Variants in CACNA1I observed in about 807,000 individuals in gnomAD.
CACNA1I encodes the protein voltage-dependent T-type calcium channel subunit alpha-1I.
In CACNA1I, 74 loss-of-function variants were observed where a neutral mutation model predicts 201.6. That is an observed-to-expected ratio of 0.37 (90% CI 0.30 to 0.45). The LOEUF is 0.45. Ranked by LOEUF, CACNA1I falls within the 20% of genes least tolerant of loss-of-function variation. The pLI is 1.00. For missense variants in CACNA1I, 2,346 were observed against 3,138.1 expected (o/e 0.75, Z 6.03); for synonymous variants, 1,431 against 1,345.2 (o/e 1.06, Z -1.40).
intron 3 of CACNA1I, among the ~76,000 whole-genome samples, chr22:39,615,791 G>A (rs1933516137): frequency 6.6e-6 from 1 of 152,164 alleles, no homozygotes; most frequent in South Asian, 2.1e-4. Context: ...CAGAATACCC[G>A]CAAATGGTTC....
intron 29 of CACNA1I, among the ~76,000 whole-genome samples, chr22:39,675,686 C>G (rs1935496096): frequency 6.6e-6 from 1 of 152,212 alleles, no homozygotes; most frequent in Admixed American, 6.5e-5. Flanking sequence ...CCACCAGTCT[C>G]TGCCCCAAGA....
chr22:39,670,367 TC>T, intron 25 of CACNA1I, 137 bp downstream of exon 25: 1 of 860,548 alleles, frequency 1.2e-6, no homozygotes, highest in Non-Finnish European at 1.8e-6. Context: ...CAGCCACTTC[TC>T]CCAGCATCTT....
At chr22:39,590,020 G>C (rs1447608317) in intron 1 of CACNA1I, among the ~76,000 whole-genome samples, 2 of 151,996 alleles carry the variant, frequency 1.3e-5, no homozygotes, top group Non-Finnish European at 2.9e-5. Flanking sequence ...AGTGTCGCCT[G>C]GGCCTGCAGA....
intron 23 of CACNA1I, among the ~76,000 whole-genome samples, chr22:39,667,508 A>C (rs1482260305): frequency 2.6e-5 from 4 of 152,182 alleles, no homozygotes; most frequent in Non-Finnish European, 5.9e-5. Flanking sequence ...GAACCTACTA[A>C]CTACTGGTGC....
At position 39,666,419 on chromosome 22, in the gene CACNA1I, C is replaced by T. The variant is rs1023929962; in HGVS notation, c.4104+413C>T. 1.3e-5 allele frequency among the ~76,000 whole-genome samples: 2 copies of T among 152,188 alleles called. No individual in the cohort carries two copies. The highest frequency in any genetic ancestry group is 2.4e-5 in the African/African-American group (1 of 41,446). ...ATGTTATAGCCTGCCAGGCAGGCTG[C>T]GGTCGAGATGAAAGGATATCAAGCC... On this transcript the variant is annotated intron_variant, in intron 23 of 36. Coordinates refer to ENST00000402142, the MANE Select transcript of CACNA1I (RefSeq NM_021096.4). The surrounding 1 kb of genome is among the most constrained non-coding windows in gnomAD (Gnocchi z 4.1).
chr22:39,589,326 G>A lies in CACNA1I; in HGVS notation c.237-8825G>A, dbSNP rs60436288. Among the ~76,000 whole-genome samples, 1,002 of 152,342 alleles carry A rather than the reference G, an allele frequency of 6.6e-3. 17 individuals carry two copies. Among genetic ancestry groups the A allele is most frequent in the African/African-American group, 0.023 (946 of 41,586 alleles). ...ATTTCTCCTGGGTATGCACCCAGGAGTGGCCCCGCTGGGTCCTAGCGTGGG... is the reference window on the plus strand; with the variant it reads ...ATTTCTCCTGGGTATGCACCCAGGAATGGCCCCGCTGGGTCCTAGCGTGGG... On this transcript the variant is annotated intron_variant, in intron 1 of 36. Transcript: ENST00000402142.
At chr22:39,573,231 G>C (rs1932242981) in intron 1 of CACNA1I, among the ~76,000 whole-genome samples, 1 of 152,156 alleles carries the variant, frequency 6.6e-6, no homozygotes, top group African/African-American at 2.4e-5. Context: ...CCTTTCCTGG[G>C]TGAGATGACA....
At chr22:39,592,170 C>T (rs132582) in intron 1 of CACNA1I, among the ~76,000 whole-genome samples, 71,173 of 152,018 alleles carry the variant, frequency 0.47, 17,707 homozygotes, top group Non-Finnish European at 0.55. Flanking sequence ...GTGCTTGGGA[C>T]GGCTTTGCCT....
rs1934548512 is a variant in CACNA1I, at chr22:39,648,261, GAGGCCCCAGGTGGCCCGTGGGC to G, written c.1567+342_1567+363del. Among the ~76,000 whole-genome samples, 1 of 152,124 alleles carries G rather than the reference GAGGCCCCAGGTGGCCCGTGGGC, an allele frequency of 6.6e-6. No individual in the cohort carries two copies. Among genetic ancestry groups the G allele is most frequent in the African/African-American group, 2.4e-5 (1 of 41,424 alleles). On this transcript the variant is annotated intron_variant, in intron 9 of 36. Coordinates refer to ENST00000402142, the MANE Select transcript of CACNA1I (RefSeq NM_021096.4). The surrounding 1 kb of genome is among the most constrained non-coding windows in gnomAD (Gnocchi z 5.4). ...CAGCCATCCAGGCGTGGGCTCGGAGGAGGCCCCAGGTGGCCCGTGGGCAGGCCCGGCATGCGGACACAGGAGC... is the reference window on the plus strand; with the variant it reads ...CAGCCATCCAGGCGTGGGCTCGGAGGAGGCCCGGCATGCGGACACAGGAGC...
Position 39,682,417 on chromosome 22 carries a change from G to A in CACNA1I, c.5665-79G>A, listed in dbSNP as rs6001648. On this transcript the variant is annotated intron_variant, in intron 34 of 36. Coordinates refer to ENST00000402142, the MANE Select transcript of CACNA1I (RefSeq NM_021096.4). ...GGGTAGCCTAGTTAAGCAAGGGGCC[G>A]TGGAGCAGGTCATGAGGTACCCTTC... 513 of 1,232,778 alleles carry A rather than the reference G, an allele frequency of 4.2e-4. 2 individuals carry two copies. The African/African-American group carries it at 6.8e-3, about 16-fold the overall frequency. 76.4% of individuals were successfully genotyped at this position (1,232,778 alleles called of 1,614,324 possible).
intron 1 of CACNA1I, among the ~76,000 whole-genome samples, chr22:39,583,031 A>ACCAT (rs59155285): frequency 0.05 from 5,816 of 116,448 alleles, 256 homozygotes; most frequent in East Asian, 0.19. Flanking sequence ...CAAGCACCCA[A>ACCAT]CCATCCATCC....
chr22:39,625,495 T>C (rs2146401091), intron 4 of CACNA1I, among the ~76,000 whole-genome samples: 1 of 152,336 alleles, frequency 6.6e-6, no homozygotes, highest in East Asian at 1.9e-4. Flanking sequence ...TCGGTTTCCC[T>C]ACTCGTACAA....
chr22:39,646,608 A>T lies in CACNA1I; in HGVS notation c.1189A>T (p.Ile397Leu). ...CATGATCAACCTGTGCCTCGTTGTC[A>T]TAGCGACCCAGTTCTCGGAGACCAA... ...FFMINLCLVV[I>L]ATQFSETKQR... Residue 397 changes from isoleucine (I) to leucine (L), a missense_variant, in exon 8 of 37, where the codon ATA becomes TTA. Ile to Leu is a conservative substitution (Grantham distance 5). Coordinates refer to ENST00000402142, the MANE Select transcript of CACNA1I (RefSeq NM_021096.4). The T allele has an allele frequency of 6.4e-7, 1 of 1,570,070 alleles. No homozygotes were observed. Among genetic ancestry groups the T allele is most frequent in the South Asian group, 1.2e-5 (1 of 85,218 alleles).
Position 39,680,962 on chromosome 22 carries a change from G to C in CACNA1I, c.5574G>C (p.Leu1858=), listed in dbSNP as rs752340400. Residue 1858 remains leucine, a synonymous_variant, in exon 34 of 37, where the codon CTG becomes CTC. Transcript: ENST00000402142. The part of the protein sequence containing the change: ...VQLAETEAFS[L]NSDRSSSILL... ...TGGCTGAGACGGAGGCCTTCTCCCT[G>C]AACTCAGACAGGTCCTCGTCCATCC... 1.2e-6 allele frequency: 2 copies of C among 1,611,800 alleles called. No individual in the cohort carries two copies. The highest frequency in any genetic ancestry group is 4.5e-5 in the East Asian group (2 of 44,862).
intron 10 of CACNA1I, among the ~76,000 whole-genome samples, chr22:39,653,738 C>T (rs1356011096): frequency 6.6e-6 from 1 of 152,208 alleles, no homozygotes; most frequent in African/African-American, 2.4e-5. Context: ...GGTTAGATTG[C>T]AGTTGCTCAA....
At chr22:39,632,129 G>A (rs1311049027) in intron 4 of CACNA1I, among the ~76,000 whole-genome samples, 1 of 152,096 alleles carries the variant, frequency 6.6e-6, no homozygotes, top group South Asian at 2.1e-4. Context: ...TTAATTGAGC[G>A]ACAAAGGCCG....
Position 39,677,564 on chromosome 22 carries a change from G to C in CACNA1I, c.4933+145G>C, listed in dbSNP as rs1246183333. On this transcript the variant is annotated intron_variant, in intron 30 of 36. Coordinates refer to ENST00000402142, the MANE Select transcript of CACNA1I (RefSeq NM_021096.4). The surrounding 1 kb of genome is among the most constrained non-coding windows in gnomAD (Gnocchi z 4.8). ...GATGCCTACAGCAGGGCCCTCAGCTGTCTGGTCTCCCAGGAAAACTGCCCT... is the reference window on the plus strand; with the variant it reads ...GATGCCTACAGCAGGGCCCTCAGCTCTCTGGTCTCCCAGGAAAACTGCCCT... The C allele has an allele frequency of 1.6e-6, 1 of 637,866 alleles. No homozygotes were observed. The highest frequency in any genetic ancestry group is 1.9e-5 in the African/African-American group (1 of 53,952). 39.5% of individuals were successfully genotyped at this position (637,866 alleles called of 1,614,324 possible).
intron 32 of CACNA1I, 38 bp downstream of exon 32, chr22:39,679,483 G>T (rs964794044): frequency 3.1e-4 from 414 of 1,346,284 alleles, no homozygotes; most frequent in Non-Finnish European, 3.8e-4. Flanking sequence ...GTCGCCAGAG[G>T]GGGGGCACCG....
chr22:39,672,084 C>T (rs1935392477), intron 26 of CACNA1I, 115 bp from the exon 27 acceptor site: 4 of 676,274 alleles, frequency 5.9e-6, no homozygotes, highest in Admixed American at 2.3e-5. Flanking sequence ...TAAATAATTA[C>T]ACTAAAAGTA....
Sources: allele counts gnomAD v4.1 joint callset (sites outside exome capture counted in the v4.1 genomes callset), GRCh38; gene constraint gnomAD v4.1.1; non-coding constraint Gnocchi (gnomAD v3.1); transcripts MANE v1.5; gene names NCBI Gene and HGNC (gene_info 2026-07-23, HGNC 2026-07-21).